SLC9C1: variants seen among roughly 807,000 people sequenced by gnomAD.
The protein encoded by SLC9C1 is solute carrier family 9 member C1.
In SLC9C1, 97 loss-of-function variants were observed where a neutral mutation model predicts 140.9. The observed-to-expected ratio is 0.69, with a 90% CI of 0.58 to 0.82. The LOEUF is 0.82. Ranked by LOEUF, SLC9C1 falls within the 40% of genes least tolerant of loss-of-function variation. SLC9C1 has a pLI of 0.00. For missense variants in SLC9C1, 1,340 were observed against 1,389.3 expected (o/e 0.96, Z 0.56); for synonymous variants, 440 against 442.6 (o/e 0.99, Z 0.07).
intron 15 of SLC9C1, among the ~76,000 whole-genome samples, chr3:112,211,320 G>A (rs2078196963): frequency 6.6e-6 from 1 of 152,180 alleles, no homozygotes; most frequent in Non-Finnish European, 1.5e-5. Context: ...TCCAGCTGAG[G>A]TACCGGGTTC....
rs2075145670 is a variant in SLC9C1 at position 112,157,061 on chromosome 3, CT to C, written c.3365-2013del. On this transcript the variant is annotated intron_variant, in intron 26 of 28. Transcript: ENST00000305815. Reference sequence around the variant, plus strand: ...ACTTGTTTATTTTGGCTTTGGTTGTCTGTTCTTTTGTGGTCTTAGGCAAAAA... The same window carrying C: ...ACTTGTTTATTTTGGCTTTGGTTGTCGTTCTTTTGTGGTCTTAGGCAAAAA... 2.6e-5 allele frequency among the ~76,000 whole-genome samples: 4 copies of C among 152,032 alleles called. No individual in the cohort carries two copies. The South Asian group carries it at 8.3e-4, about 32-fold the overall frequency.
chr3:112,152,760 C>G (rs1015122241), intron 27 of SLC9C1, among the ~76,000 whole-genome samples: 1 of 152,080 alleles, frequency 6.6e-6, no homozygotes, highest in Non-Finnish European at 1.5e-5. Flanking sequence ...TGACTTTTAC[C>G]AAGCATACTG....
chr3:112,193,397 T>C (rs879074666), intron 20 of SLC9C1, among the ~76,000 whole-genome samples: 17 of 152,144 alleles, frequency 1.1e-4, no homozygotes, highest in South Asian at 2.1e-4. Flanking sequence ...CTTAGCTACA[T>C]TGGGGGCATA....
intron 14 of SLC9C1, 150 bp from the exon 15 acceptor site, chr3:112,217,711 A>T (rs149638495): frequency 7.1e-5 from 42 of 593,964 alleles, no homozygotes; most frequent in Non-Finnish European, 1.0e-4. Flanking sequence ...AGACATTTTC[A>T]TGGGCGTGGT....
intron 12 of SLC9C1, among the ~76,000 whole-genome samples, chr3:112,231,942 C>T (rs2078841090): frequency 6.6e-6 from 1 of 152,062 alleles, no homozygotes; most frequent in Admixed American, 6.6e-5. Context: ...GCAGCTAAAG[C>T]TTGACAACCA....
chr3:112,207,187 C>T (rs994087348), intron 16 of SLC9C1, among the ~76,000 whole-genome samples: 1 of 152,066 alleles, frequency 6.6e-6, no homozygotes, highest in Admixed American at 6.6e-5. Context: ...TTTCTTGAAA[C>T]CTAGTATAGC....
At chr3:112,267,569 C>A (rs1335643404) in intron 7 of SLC9C1, among the ~76,000 whole-genome samples, 1 of 42,194 alleles carries the variant, frequency 2.4e-5, no homozygotes, top group African/African-American at 9.4e-5. Flanking sequence ...GAGCAAGACT[C>A]CGTCTCAAAA....
intron 6 of SLC9C1, among the ~76,000 whole-genome samples, chr3:112,272,180 G>A (rs2080096629): frequency 6.6e-6 from 1 of 152,112 alleles, no homozygotes; most frequent in South Asian, 2.1e-4. Flanking sequence ...AATATAGGAT[G>A]GAGGCTAACT....
At chr3:112,256,162 G>T (rs938252363) in intron 10 of SLC9C1, among the ~76,000 whole-genome samples, 1 of 152,014 alleles carries the variant, frequency 6.6e-6, no homozygotes, top group South Asian at 2.1e-4. Context: ...AGAAGAGTTG[G>T]TACCATTTCT....
chr3:112,144,461 AT>A (rs1038924707), intron 28 of SLC9C1, among the ~76,000 whole-genome samples: 2 of 151,382 alleles, frequency 1.3e-5, no homozygotes, highest in Admixed American at 6.6e-5. Flanking sequence ...ACACCCGGCC[AT>A]TTTTTTTCTA....
intron 23 of SLC9C1, among the ~76,000 whole-genome samples, chr3:112,178,642 T>G (rs2077383580): frequency 1.3e-5 from 2 of 152,248 alleles, no homozygotes; most frequent in African/African-American, 4.8e-5. Flanking sequence ...CTAGCACTTC[T>G]GCTACATCAC....
intron 13 of SLC9C1, 43 bp from the exon 14 acceptor site, chr3:112,221,268 G>T (rs7626100): frequency 2.0e-6 from 3 of 1,502,902 alleles, no homozygotes; most frequent in African/African-American, 2.8e-5. Flanking sequence ...CATGAATAAC[G>T]ATGACAACTT....
At chr3:112,234,574 T>C (rs77554773) in intron 12 of SLC9C1, among the ~76,000 whole-genome samples, 89,793 of 151,888 alleles carry the variant, frequency 0.59, 27,066 homozygotes, top group East Asian at 0.79. Flanking sequence ...CTGAATGGTA[T>C]TGCCTAGGTT....
intron 12 of SLC9C1, among the ~76,000 whole-genome samples, chr3:112,236,053 C>T (rs1576413223): frequency 6.6e-6 from 1 of 152,252 alleles, no homozygotes; most frequent in South Asian, 2.1e-4. Context: ...GGTACCAGCT[C>T]CTCCTTGTAC....
chr3:112,284,468 G>A lies in SLC9C1; in HGVS notation c.88+2236C>T, dbSNP rs976199100. The stretch of plus-strand genomic sequence containing the variant: ...ATTTCAGAAGTCGGCATGAATTGAT[G>A]TTAAGCTATCTCATGAAGCTGCAAG... On this transcript the variant is annotated intron_variant, in intron 2 of 28. Coordinates refer to ENST00000305815, the MANE Select transcript of SLC9C1 (RefSeq NM_183061.3). Among the ~76,000 whole-genome samples, 6 of 152,216 alleles carry A rather than the reference G, an allele frequency of 3.9e-5. No homozygotes were observed. In the East Asian group the frequency reaches 1.2e-3, roughly 29 times the overall value.
At chr3:112,267,575 CAAAA>C (rs71933510) in intron 7 of SLC9C1, among the ~76,000 whole-genome samples, 76 of 56,844 alleles carry the variant, frequency 1.3e-3, no homozygotes, top group Non-Finnish European at 1.4e-3. Flanking sequence ...GACTCCGTCT[CAAAA>C]AAAAAAAAAA....
chr3:112,266,479 A>C (rs1030362705), intron 7 of SLC9C1, 139 bp from the exon 8 acceptor site: 74 of 612,124 alleles, frequency 1.2e-4, no homozygotes, highest in Admixed American at 2.0e-4. Flanking sequence ...TTTCAGCTGA[A>C]AAATATTGCA....
chr3:112,221,091 G>T, intron 14 of SLC9C1, 37 bp downstream of exon 14: 1 of 1,555,116 alleles, frequency 6.4e-7, no homozygotes, highest in Non-Finnish European at 8.9e-7. Flanking sequence ...AAATGCTGTG[G>T]CTTAGAATAG....
chr3:112,183,396 A>G (rs939082660), intron 20 of SLC9C1, among the ~76,000 whole-genome samples: 1 of 125,658 alleles, frequency 8.0e-6, no homozygotes, highest in African/African-American at 3.4e-5. Flanking sequence ...AACAGACTTT[A>G]TTGAAGTATT....
Sources: gnomAD v4.1 joint callset for allele counts (sites outside exome capture counted in the v4.1 genomes callset) on GRCh38, gnomAD v4.1.1 for gene constraint, MANE v1.5 for transcripts, NCBI Gene and HGNC (gene_info 2026-07-23, HGNC 2026-07-21) for gene names.